The following FLT1 variants were observed in gnomAD, a reference collection of about 807,000 sequenced individuals.
The protein encoded by FLT1 is fms related receptor tyrosine kinase 1, also known as vascular endothelial growth factor receptor 1.
A neutral mutation model predicts 156.3 loss-of-function variants in FLT1; 49 were observed. That is an observed-to-expected ratio of 0.31 (90% CI 0.25 to 0.40). The LOEUF (loss-of-function observed/expected upper bound fraction) is 0.40, where lower values mean the gene tolerates loss of function less well. Ranked by LOEUF, FLT1 falls within the 10% of genes least tolerant of loss-of-function variation. The pLI, the probability that FLT1 is intolerant of heterozygous loss-of-function variation, is 1.00. For missense variants in FLT1, 1,322 were observed against 1,637.2 expected, an observed-to-expected ratio of 0.81 and a Z score of 3.32; for synonymous variants, 594 against 583.8, an observed-to-expected ratio of 1.02 and a Z score of -0.25.
intron 14 of FLT1, among the ~76,000 whole-genome samples, chr13:28,371,263 T>C (rs1426334170): frequency 1.3e-5 from 2 of 152,226 alleles, no homozygotes; most frequent in African/African-American, 4.8e-5. Context: ...ACTTATACCA[T>C]ATGCTTATAT....
In FLT1 at chr13:28,434,524, T is replaced by C. The variant is rs148608193; in HGVS notation, c.514-304A>G. 1.6e-4 allele frequency among the ~76,000 whole-genome samples: 24 copies of C among 152,358 alleles called. No homozygotes were observed. The East Asian group carries it at 2.9e-3, about 18-fold the overall frequency. On this transcript the variant is annotated intron_variant, in intron 4 of 29. Transcript: ENST00000282397. ...CTACTTGTCATGTCAGACTTTCAGT[T>C]GGAGCCCATAACTCTTTGGCCTCCG...
At chr13:28,359,140 A>G (rs1873017619) in intron 14 of FLT1, among the ~76,000 whole-genome samples, 1 of 152,260 alleles carries the variant, frequency 6.6e-6, no homozygotes, top group Middle Eastern at 3.2e-3. Context: ...AAAATGTAAT[A>G]TTATAAAGCT....
rs2137562901 is a variant in FLT1, at chr13:28,439,133, G to A, written c.389-788C>T. ...CAAGGAGGATTCAAACACCTGTTCA[G>A]CTTCCCTGTAACTCCTCAGGGAACC... On this transcript the variant is annotated intron_variant, in intron 3 of 29. Coordinates refer to ENST00000282397, the MANE Select transcript of FLT1 (RefSeq NM_002019.4). This position sits in a 1 kb window ranked among gnomAD's most constrained non-coding sequence, Gnocchi z 4.1. Among the ~76,000 whole-genome samples, 1 of 152,294 alleles carries A rather than the reference G, an allele frequency of 6.6e-6. No individual in the cohort carries two copies. The highest frequency in any genetic ancestry group is 2.1e-4 in the South Asian group (1 of 4,824).
intron 14 of FLT1, among the ~76,000 whole-genome samples, chr13:28,377,397 TA>T (rs2137437522): frequency 6.6e-6 from 1 of 152,332 alleles, no homozygotes; most frequent in Admixed American, 6.5e-5. Flanking sequence ...TCCAATGTAT[TA>T]AAGATATTTT....
intron 1 of FLT1, among the ~76,000 whole-genome samples, chr13:28,470,988 G>A (rs903092565): frequency 2.0e-5 from 3 of 152,142 alleles, no homozygotes; most frequent in South Asian, 2.1e-4. Context: ...ACCGCGCCGC[G>A]CAAGAAGTGC....
At chr13:28,478,517 A>T (rs1593841072) in intron 1 of FLT1, among the ~76,000 whole-genome samples, 1 of 152,226 alleles carries the variant, frequency 6.6e-6, no homozygotes, top group Admixed American at 6.5e-5. Context: ...TCAATTCCGT[A>T]TAGGAGCTTG....
At chr13:28,323,565 T>A (rs1871560786) in intron 20 of FLT1, among the ~76,000 whole-genome samples, 1 of 150,332 alleles carries the variant, frequency 6.7e-6, no homozygotes, top group South Asian at 2.1e-4. Flanking sequence ...GCAGGAGAAT[T>A]GCTTGAACCC....
At chr13:28,400,237 A>G (rs1875349954) in intron 11 of FLT1, among the ~76,000 whole-genome samples, 1 of 152,202 alleles carries the variant, frequency 6.6e-6, no homozygotes, top group South Asian at 2.1e-4. Context: ...ATTAAATACT[A>G]CTACTATTTA....
intron 3 of FLT1, among the ~76,000 whole-genome samples, chr13:28,459,228 A>G (rs1219300167): frequency 6.6e-6 from 1 of 151,774 alleles, no homozygotes; most frequent in Admixed American, 6.6e-5. Context: ...TCACCCCAAC[A>G]TGTTCACCTG....
In FLT1 at chr13:28,311,641, T is replaced by C. The variant is rs759083224; in HGVS notation, c.3584A>G (p.Lys1195Arg). Residue 1195 changes from lysine to arginine, a missense_variant, in exon 27 of 30, where the codon AAG becomes AGG. Coordinates refer to ENST00000282397, the MANE Select transcript of FLT1 (RefSeq NM_002019.4). The stretch of plus-strand genomic sequence containing the variant: ...AAACTTCGGAGCTGAAATACTTTCC[T>C]TGAAGAAGTCCTCAGAGAAGGCAGG... ...STPAFSEDFFKESISAPKFNS... is the reference protein window; with the variant it reads ...STPAFSEDFFRESISAPKFNS... 2 of 1,613,920 alleles carry C rather than the reference T, an allele frequency of 1.2e-6. No individual in the cohort carries two copies. The highest frequency in any genetic ancestry group is 4.5e-5 in the East Asian group (2 of 44,846).
rs145109219 is a variant in FLT1, at chr13:28,389,022, T to G, written c.1969+774A>C. ...ATCGCATGAGAGGAGGGAGGGGACG[T>G]TGATTTGGATGGACTCTTATAATTC... is the stretch of plus-strand genomic sequence containing the variant. On this transcript the variant is annotated intron_variant, in intron 13 of 29. Coordinates refer to ENST00000282397, the MANE Select transcript of FLT1 (RefSeq NM_002019.4). 1,010 of 1,064,890 alleles carry G rather than the reference T, an allele frequency of 9.5e-4. 10 individuals carry two copies. In the African/African-American group the frequency reaches 0.014, roughly 15 times the overall value. 66.0% of individuals were successfully genotyped at this position (1,064,890 alleles called of 1,614,324 possible). A position where few individuals can be genotyped will look rare whatever the true frequency, so the allele number is the denominator to read the frequency against.
At chr13:28,324,984 C>T (rs1470978562) in intron 20 of FLT1, among the ~76,000 whole-genome samples, 1 of 152,152 alleles carries the variant, frequency 6.6e-6, no homozygotes, top group East Asian at 1.9e-4. Flanking sequence ...ATTTAAGGAT[C>T]CCAGTTAATT....
Position 28,405,814 on chromosome 13 carries a change from G to T in FLT1, c.1517C>A (p.Thr506Asn). The T allele has an allele frequency of 6.2e-7, 1 of 1,605,360 alleles. No homozygotes were observed. Residue 506 changes from threonine (T) to asparagine (N), a missense_variant, in exon 11 of 30, where the codon ACT (threonine) becomes AAT (asparagine). By Grantham distance (65) the Thr-to-Asn change is moderately conservative. Coordinates refer to ENST00000282397, the MANE Select transcript of FLT1 (RefSeq NM_002019.4). ...TCCTTCTATTATTGCCATGCGCTGAGTGATGCTCTCAATTCTGTTTCCCAT... is the reference window on the plus strand; with the variant it reads ...TCCTTCTATTATTGCCATGCGCTGATTGATGCTCTCAATTCTGTTTCCCAT... ...SNMGNRIESI[T>N]QRMAIIEGKN... is the part of the protein sequence containing the mutation.
At position 28,331,252 on chromosome 13, in the gene FLT1, T is replaced by C. The variant is rs141219941; in HGVS notation, c.2594-1524A>G. Among the ~76,000 whole-genome samples the C allele has an allele frequency of 2.6e-3, 403 of 152,346 alleles. 1 individual carries two copies. The highest frequency in any genetic ancestry group is 9.2e-3 in the African/African-American group (384 of 41,584). Reference sequence around the variant, plus strand: ...CAAATCATTTTTAATAATAACTAGATAAACTCCAAATCCTGTGCATGGGGT... The same window carrying C: ...CAAATCATTTTTAATAATAACTAGACAAACTCCAAATCCTGTGCATGGGGT... On this transcript the variant is annotated intron_variant, in intron 18 of 29. Coordinates refer to ENST00000282397, the MANE Select transcript of FLT1 (RefSeq NM_002019.4).
chr13:28,365,956 T>A (rs1873275927), intron 14 of FLT1, among the ~76,000 whole-genome samples: 1 of 152,134 alleles, frequency 6.6e-6, no homozygotes, highest in African/African-American at 2.4e-5. Flanking sequence ...GAGTTGGGGA[T>A]AAAATAATGG....
intron 29 of FLT1, among the ~76,000 whole-genome samples, chr13:28,306,309 T>C (rs1004729024): frequency 2.0e-5 from 3 of 152,200 alleles, no homozygotes; most frequent in Non-Finnish European, 4.4e-5. Flanking sequence ...TCCTCGTGTA[T>C]GAACCCTGCC....
chr13:28,308,561 G>C (rs1870849986), intron 28 of FLT1: 2 of 434,360 alleles, frequency 4.6e-6, no homozygotes. Flanking sequence ...CTGCATCACT[G>C]ACAGCTAAGC....
intron 3 of FLT1, among the ~76,000 whole-genome samples, chr13:28,456,336 T>C (rs1215178601): frequency 6.6e-6 from 1 of 151,782 alleles, no homozygotes; most frequent in Non-Finnish European, 1.5e-5. Flanking sequence ...TATGATGGAA[T>C]ATTATTCAGC....
At chr13:28,482,214 G>A (rs1335227173) in intron 1 of FLT1, among the ~76,000 whole-genome samples, 2 of 152,186 alleles carry the variant, frequency 1.3e-5, no homozygotes, top group African/African-American at 4.8e-5. Flanking sequence ...AACACTCTGG[G>A]AGGCCAAGGC....
Sources: gnomAD v4.1 joint callset for allele counts (sites outside exome capture counted in the v4.1 genomes callset) on GRCh38, gnomAD v4.1.1 for gene constraint, Gnocchi (gnomAD v3.1) non-coding constraint, MANE v1.5 for transcripts, NCBI Gene and HGNC (gene_info 2026-07-23, HGNC 2026-07-21) for gene names.